Variants in CASD1 observed in about 807,000 individuals in gnomAD.
The protein encoded by CASD1 is N-acetylneuraminate (7)9-O-acetyltransferase.
A neutral mutation model predicts 100.0 loss-of-function variants in CASD1; 41 were observed. The ratio of observed to expected loss-of-function variants is 0.41; its 90% CI spans 0.32 to 0.53. CASD1 has a LOEUF of 0.53. CASD1 is among the 20% of genes least tolerant of loss of function. The pLI, the probability that CASD1 is intolerant of heterozygous loss-of-function variation, is 0.25. For synonymous variants in CASD1, 321 were observed against 315.6 expected, an observed-to-expected ratio of 1.02 and a Z score of -0.18; for missense variants, 774 against 948.7, an observed-to-expected ratio of 0.82 and a Z score of 2.42.
At position 94,541,537 on chromosome 7, in the gene CASD1, G is replaced by GTTTTTTTT. The variant is rs56786123; in HGVS notation, c.1356+2504_1356+2511dup. On this transcript the variant is annotated intron_variant, in intron 10 of 17. Transcript: ENST00000297273. The stretch of plus-strand genomic sequence containing the variant: ...ACAGTAGGTGATTTGTGTTCCACTG[G>GTTTTTTTT]TTTTTTTTTTTTTTTTTTTTTTTTT... Among the ~76,000 whole-genome samples the GTTTTTTTT allele has an allele frequency of 2.0e-4, 12 of 60,116 alleles. 1 individual carries two copies. Among genetic ancestry groups the GTTTTTTTT allele is most frequent in the Non-Finnish European group, 3.1e-4 (11 of 35,196 alleles). The allele number at this position is 60,116 out of a possible 152,430, so 39.4% of individuals were successfully genotyped here. A position where few individuals can be genotyped will look rare whatever the true frequency, so the allele number is the denominator to read the frequency against.
the CASD1 span, among the ~76,000 whole-genome samples, chr7:94,613,384 G>C: frequency 6.6e-6 from 1 of 152,104 alleles, no homozygotes; most frequent in Admixed American, 6.6e-5. Context: ...GTGAAAATGA[G>C]AATGATCTTT....
rs188778799 is a variant in CASD1, at chr7:94,526,564, G to T, written c.352-598G>T. 1.9e-3 allele frequency among the ~76,000 whole-genome samples: 296 copies of T among 152,326 alleles called. 5 individuals carry two copies. The highest frequency in any genetic ancestry group is 6.7e-3 in the African/African-American group (280 of 41,580). The stretch of plus-strand genomic sequence containing the variant: ...AGCACTTTGGGAGGCTGAGGTGAGT[G>T]GATCACTTGAGCCCAGGAGTTCGAG... On this transcript the variant is annotated intron_variant, in intron 3 of 17. Transcript: ENST00000297273.
intron 14 of CASD1, among the ~76,000 whole-genome samples, chr7:94,550,945 T>G (rs1417539572): frequency 6.6e-6 from 1 of 152,162 alleles, no homozygotes; most frequent in Admixed American, 6.6e-5. Flanking sequence ...CTTGGTGGTG[T>G]TATTCTTTGT....
At chr7:94,566,724 A>G in the CASD1 span, among the ~76,000 whole-genome samples, 1 of 152,186 alleles carries the variant, frequency 6.6e-6, no homozygotes, top group Non-Finnish European at 1.5e-5. Flanking sequence ...CAAATGTGCC[A>G]TAGTGGGCTT....
At position 94,537,724 on chromosome 7, in the gene CASD1, A is replaced by G; in HGVS notation, c.1096A>G (p.Ile366Val). The G allele has an allele frequency of 6.2e-7, 1 of 1,613,810 alleles. No individual in the cohort carries two copies. The highest frequency in any genetic ancestry group is 8.5e-7 in the Non-Finnish European group (1 of 1,179,884). ...IINTPVSSLE[I>V]LLQSFCKLGL... Reference sequence around the variant, plus strand: ...CAATACCCCTGTGTCTTCATTAGAAATACTTTTACAATCTTTCTGCAAACT... The same window carrying G: ...CAATACCCCTGTGTCTTCATTAGAAGTACTTTTACAATCTTTCTGCAAACT... Residue 366 changes from isoleucine to valine, a missense_variant, in exon 9 of 18, where the codon ATA (isoleucine) becomes GTA (valine). Transcript: ENST00000297273.
chr7:94,562,082 A>G, the CASD1 span, among the ~76,000 whole-genome samples: 1 of 152,264 alleles, frequency 6.6e-6, no homozygotes, highest in Admixed American at 6.5e-5. Flanking sequence ...TGGAGTCTGA[A>G]GTTATTCTGA....
chr7:94,572,935 A>G, the CASD1 span, among the ~76,000 whole-genome samples: 15 of 152,208 alleles, frequency 9.9e-5, no homozygotes, highest in East Asian at 9.7e-4. Context: ...ACAAATTCCA[A>G]TCTTCTGCAT....
chr7:94,623,448 T>C, the CASD1 span: 1 of 1,126,562 alleles, frequency 8.9e-7, no homozygotes, highest in Non-Finnish European at 1.3e-6. Flanking sequence ...CTTTGTAAAA[T>C]GAAATTCATT....
At chr7:94,568,096 A>G in the CASD1 span, among the ~76,000 whole-genome samples, 1 of 152,174 alleles carries the variant, frequency 6.6e-6, no homozygotes, top group Non-Finnish European at 1.5e-5. Flanking sequence ...TACTTTCACC[A>G]GAAATAAAAA....
At chr7:94,519,150 T>C (rs187155499) in intron 3 of CASD1, among the ~76,000 whole-genome samples, 9 of 152,308 alleles carry the variant, frequency 5.9e-5, no homozygotes, top group Admixed American at 6.5e-5. Context: ...AAATTTCTCG[T>C]TTAAAAATAT....
chr7:94,576,852 AAT>A, the CASD1 span, among the ~76,000 whole-genome samples: 3 of 152,290 alleles, frequency 2.0e-5, no homozygotes, highest in South Asian at 6.2e-4. Flanking sequence ...TGTAACCATG[AAT>A]ATGGCAGTGT....
At chr7:94,594,905 A>G in the CASD1 span, among the ~76,000 whole-genome samples, 1 of 152,038 alleles carries the variant, frequency 6.6e-6, no homozygotes, top group African/African-American at 2.4e-5. Flanking sequence ...AAAATGAAAC[A>G]CCTCATTTCT....
the CASD1 span, among the ~76,000 whole-genome samples, chr7:94,586,075 A>C: frequency 7.3e-5 from 11 of 150,232 alleles, no homozygotes; most frequent in South Asian, 2.1e-4. Context: ...AAAAAAAAAA[A>C]AAAAAAAAAA....
the CASD1 span, chr7:94,618,485 T>C: frequency 5.7e-6 from 2 of 349,944 alleles, no homozygotes; most frequent in East Asian, 1.1e-4. Flanking sequence ...AATCAGCTTC[T>C]TAATGGAAGG....
At chr7:94,628,135 A>AACACAC in the CASD1 span, 1 of 1,043,332 alleles carries the variant, frequency 9.6e-7, no homozygotes, top group Middle Eastern at 2.5e-4. Flanking sequence ...CTCAAATTAC[A>AACACAC]ATACACACAC....
At chr7:94,559,673 G>A (rs111576101), downstream of CASD1, among the ~76,000 whole-genome samples, 2 of 151,988 alleles carry the variant, frequency 1.3e-5, no homozygotes, top group African/African-American at 4.8e-5. Context: ...TTACAGGTGT[G>A]CACCACCATG....
chr7:94,565,189 C>T, the CASD1 span, among the ~76,000 whole-genome samples: 1 of 152,072 alleles, frequency 6.6e-6, no homozygotes, highest in Non-Finnish European at 1.5e-5. Context: ...TTATGTGCCA[C>T]TACCTGGCCT....
At chr7:94,614,823 A>C in the CASD1 span, among the ~76,000 whole-genome samples, 1 of 152,168 alleles carries the variant, frequency 6.6e-6, no homozygotes, top group Non-Finnish European at 1.5e-5. Context: ...CCAAAGACTA[A>C]TAAAATATTC....
the CASD1 span, among the ~76,000 whole-genome samples, chr7:94,576,254 T>A: frequency 6.6e-6 from 1 of 152,224 alleles, no homozygotes; most frequent in Non-Finnish European, 1.5e-5. Context: ...TGCTGCCTGC[T>A]CAAATCTGCT....
Sources: allele counts gnomAD v4.1 joint callset (sites outside exome capture counted in the v4.1 genomes callset), GRCh38; gene constraint gnomAD v4.1.1; transcripts MANE v1.5; gene names NCBI Gene and HGNC (gene_info 2026-07-23, HGNC 2026-07-21).